Variants in NPAS3 observed in about 807,000 individuals in gnomAD.
NPAS3 encodes the protein neuronal PAS domain protein 3.
Under a neutral mutation model 73.1 loss-of-function variants are expected in NPAS3, and 14 were observed. That is an observed-to-expected ratio of 0.19 (90% CI 0.13 to 0.30). The LOEUF is 0.30. Ranked by LOEUF, NPAS3 falls within the 10% of genes least tolerant of loss-of-function variation. NPAS3 has a pLI of 1.00. For synonymous variants in NPAS3, 620 were observed against 541.5 expected, an observed-to-expected ratio of 1.14 and a Z score of -2.01; for missense variants, 1,096 against 1,250.0, an observed-to-expected ratio of 0.88 and a Z score of 1.86.
intron 5 of NPAS3, among the ~76,000 whole-genome samples, chr14:33,599,809 G>C (rs2057347895): frequency 1.3e-5 from 2 of 152,110 alleles, no homozygotes; most frequent in South Asian, 4.2e-4. Context: ...TCTTGTAGGG[G>C]AGGTTAATTA....
At chr14:33,316,437 G>A (rs1258995340) in intron 3 of NPAS3, among the ~76,000 whole-genome samples, 1 of 152,052 alleles carries the variant, frequency 6.6e-6, no homozygotes, top group African/African-American at 2.4e-5. Flanking sequence ...GCATCCTGCA[G>A]ACTCAGAGAG....
Position 33,319,872 on chromosome 14 carries a change from A to G in NPAS3, c.386-47314A>G, listed in dbSNP as rs73256848. 9.5e-4 allele frequency among the ~76,000 whole-genome samples: 144 copies of G among 152,258 alleles called. 1 individual carries two copies. In the East Asian group the frequency reaches 0.013, roughly 14 times the overall value. ...GATACATTATGAACTTTTTGTGAAC[A>G]TGTTTATTTTTCATCCTTGTGTTAC... On this transcript the variant is annotated intron_variant, in intron 3 of 11. Coordinates refer to ENST00000356141, the Ensembl canonical transcript of NPAS3.
At chr14:33,274,392 GTATC>G (rs1413757388) in intron 3 of NPAS3, among the ~76,000 whole-genome samples, 1 of 152,140 alleles carries the variant, frequency 6.6e-6, no homozygotes, top group Admixed American at 6.6e-5. Flanking sequence ...TTCCTAGCCT[GTATC>G]TCCTTTCCTA....
exon 6 of NPAS3, chr14:33,676,310 C>T (rs2059764452): frequency 6.2e-7 from 1 of 1,612,830 alleles, no homozygotes; most frequent in South Asian, 1.1e-5. Flanking sequence ...TGGGCGGGGT[C>T]TCCTGTCACA....
intron 5 of NPAS3, among the ~76,000 whole-genome samples, chr14:33,629,757 T>C (rs967247745): frequency 6.6e-6 from 1 of 151,968 alleles, no homozygotes; most frequent in Non-Finnish European, 1.5e-5. Context: ...TTTTTTTTTT[T>C]CCATTTTCAT....
intron 1 of NPAS3, among the ~76,000 whole-genome samples, chr14:32,993,144 C>T (rs1040124625): frequency 2.8e-4 from 39 of 141,506 alleles, no homozygotes; most frequent in African/African-American, 5.0e-4. Flanking sequence ...AGTGAAACTT[C>T]GTCTCAAAAA....
intron 2 of NPAS3, among the ~76,000 whole-genome samples, chr14:33,212,841 A>G (rs550586745): frequency 1.2e-3 from 190 of 152,350 alleles, no homozygotes; most frequent in Admixed American, 4.8e-3. Context: ...AGTGACATGA[A>G]TAAAGGAAAA....
chr14:33,067,687 T>C (rs2041327221), intron 2 of NPAS3, among the ~76,000 whole-genome samples: 1 of 152,150 alleles, frequency 6.6e-6, no homozygotes. Context: ...GGTTAAGTGA[T>C]TCCAAGTATT....
At chr14:33,090,448 C>T (rs1473765808) in intron 2 of NPAS3, among the ~76,000 whole-genome samples, 1 of 152,200 alleles carries the variant, frequency 6.6e-6, no homozygotes, top group Non-Finnish European at 1.5e-5. Context: ...GAAGAGCTAA[C>T]TATCCTAAAT....
At chr14:33,300,471 A>T (rs1042465833) in intron 3 of NPAS3, among the ~76,000 whole-genome samples, 5 of 152,176 alleles carry the variant, frequency 3.3e-5, no homozygotes, top group African/African-American at 7.2e-5. Context: ...CATCAGCCCA[A>T]CCTCTGCAGC....
intron 1 of NPAS3, among the ~76,000 whole-genome samples, chr14:33,021,643 G>A (rs2039600203): frequency 1.3e-5 from 2 of 152,002 alleles, no homozygotes; most frequent in Admixed American, 1.3e-4. Context: ...CAAAGATCAA[G>A]TGCCTTCCCA....
intron 5 of NPAS3, among the ~76,000 whole-genome samples, chr14:33,637,482 A>T (rs1374798494): frequency 6.6e-6 from 1 of 152,182 alleles, no homozygotes; most frequent in Non-Finnish European, 1.5e-5. Context: ...TAAGCTTATA[A>T]AGCACTACTT....
intron 5 of NPAS3, among the ~76,000 whole-genome samples, chr14:33,577,682 A>C (rs2056493839): frequency 1.3e-5 from 2 of 152,218 alleles, no homozygotes; most frequent in South Asian, 4.1e-4. Context: ...GTAAAGGGGA[A>C]GGGATAAACT....
intron 2 of NPAS3, among the ~76,000 whole-genome samples, chr14:33,168,098 T>C (rs1273607836): frequency 6.6e-6 from 1 of 152,196 alleles, no homozygotes; most frequent in East Asian, 1.9e-4. Context: ...TCTCTGAGCA[T>C]TTGGGAGCAG....
At chr14:33,593,710 G>A (rs2057145794) in intron 5 of NPAS3, among the ~76,000 whole-genome samples, 1 of 152,204 alleles carries the variant, frequency 6.6e-6, no homozygotes, top group African/African-American at 2.4e-5. Flanking sequence ...TAAGAAAGTA[G>A]CATATTTAAA....
chr14:33,361,305 G>A lies in NPAS3; in HGVS notation c.386-5881G>A, dbSNP rs2045590018. ...ATATTTGGTTGCCGTTTCACATTTA[G>A]AGGACTATGCCATTTTGGTGTAGAA... On this transcript the variant is annotated intron_variant, in intron 3 of 11. Coordinates refer to ENST00000356141, the Ensembl canonical transcript of NPAS3. Among the ~76,000 whole-genome samples, 3 of 152,172 alleles carry A rather than the reference G, an allele frequency of 2.0e-5. No homozygotes were observed. In the South Asian group the frequency reaches 6.2e-4, roughly 32 times the overall value.
intron 2 of NPAS3, among the ~76,000 whole-genome samples, chr14:33,194,157 G>A (rs1310294925): frequency 6.6e-6 from 1 of 152,170 alleles, no homozygotes; most frequent in East Asian, 1.9e-4. Flanking sequence ...AATCACTGTA[G>A]TTAGTGTAAA....
At chr14:33,327,863 C>T (rs2140262299) in intron 3 of NPAS3, among the ~76,000 whole-genome samples, 1 of 152,254 alleles carries the variant, frequency 6.6e-6, no homozygotes, top group African/African-American at 2.4e-5. Flanking sequence ...TTAATCAGTG[C>T]ATTTCAAAAA....
intron 5 of NPAS3, among the ~76,000 whole-genome samples, chr14:33,650,630 CA>C (rs1310633463): frequency 6.6e-6 from 1 of 152,218 alleles, no homozygotes; most frequent in African/African-American, 2.4e-5. Flanking sequence ...CAGCCCTCTG[CA>C]AGGACCCTGC....
Sources: gnomAD v4.1 joint callset for allele counts (sites outside exome capture counted in the v4.1 genomes callset) on GRCh38, gnomAD v4.1.1 for gene constraint, MANE v1.5 for transcripts, NCBI Gene and HGNC (gene_info 2026-07-23, HGNC 2026-07-21) for gene names.